The following FSTL5 variants were observed in gnomAD, a reference collection of about 807,000 sequenced individuals.
FSTL5 encodes the protein follistatin like 5, also known as follistatin-related protein 5.
FSTL5 carries 62 observed loss-of-function variants against 89.1 expected under a neutral mutation model. The ratio of observed to expected loss-of-function variants is 0.70; its 90% CI spans 0.57 to 0.86. The LOEUF (loss-of-function observed/expected upper bound fraction) is 0.86. Ranked by LOEUF, FSTL5 falls within the 40% of genes least tolerant of loss-of-function variation. FSTL5 has a pLI of 0.00. For missense variants in FSTL5, 1,057 were observed against 1,001.6 expected (o/e 1.06, Z -0.75); for synonymous variants, 383 against 346.2 (o/e 1.11, Z -1.18).
At chr4:161,987,393 A>C (rs1735992724) in intron 3 of FSTL5, among the ~76,000 whole-genome samples, 1 of 150,548 alleles carries the variant, frequency 6.6e-6, no homozygotes, top group Non-Finnish European at 1.5e-5. Flanking sequence ...ATGGCGGGGA[A>C]GGAGAAAAAA....
chr4:162,076,350 T>C (rs1193924744), intron 2 of FSTL5, among the ~76,000 whole-genome samples: 5 of 151,932 alleles, frequency 3.3e-5, no homozygotes, highest in Admixed American at 3.3e-4. Context: ...AGAATCTTTG[T>C]ATAACGCACA....
chr4:161,835,422 G>T (rs1343392471), intron 4 of FSTL5, among the ~76,000 whole-genome samples: 2 of 152,046 alleles, frequency 1.3e-5, no homozygotes, highest in Non-Finnish European at 2.9e-5. Context: ...AACACCAAAA[G>T]TAATGGCAAC....
At chr4:161,823,368 C>T (rs1303977484) in intron 4 of FSTL5, among the ~76,000 whole-genome samples, 1 of 152,170 alleles carries the variant, frequency 6.6e-6, no homozygotes, top group Non-Finnish European at 1.5e-5. Flanking sequence ...CCCCTGGCCT[C>T]CCTCCCTCGT....
intron 14 of FSTL5, among the ~76,000 whole-genome samples, chr4:161,458,107 C>T (rs1733430084): frequency 6.6e-6 from 1 of 152,170 alleles, no homozygotes; most frequent in Non-Finnish European, 1.5e-5. Flanking sequence ...CACCATGCGA[C>T]AGACATGAGG....
chr4:161,495,483 A>G (rs906852776), intron 12 of FSTL5: 3 of 152,180 alleles, frequency 2.0e-5, no homozygotes, highest in African/African-American at 7.2e-5. Context: ...GTGTACAACT[A>G]GGATAAATAT....
rs1200802541 is a variant in FSTL5 at position 162,102,774 on chromosome 4, A to ATT, written c.126+8496_126+8497insAA. Reference sequence around the variant, plus strand: ...ATATAAATATGTATAACATATTTATATATATATTTATATATGGAGTGATCT... The same window carrying ATT: ...ATATAAATATGTATAACATATTTATATTTATATATTTATATATGGAGTGATCT... On this transcript the variant is annotated intron_variant, in intron 2 of 15. Transcript: ENST00000306100. 3.4e-5 allele frequency among the ~76,000 whole-genome samples: 5 copies of ATT among 146,632 alleles called. No individual in the cohort carries two copies. In the South Asian group the frequency reaches 6.3e-4, roughly 19 times the overall value.
intron 2 of FSTL5, among the ~76,000 whole-genome samples, chr4:162,096,839 T>C (rs1402015743): frequency 6.6e-6 from 1 of 151,934 alleles, no homozygotes; most frequent in Non-Finnish European, 1.5e-5. Flanking sequence ...GTTAACAATA[T>C]TCAATTGATG....
At chr4:162,040,333 A>G (rs1249570613) in intron 2 of FSTL5, among the ~76,000 whole-genome samples, 1 of 152,038 alleles carries the variant, frequency 6.6e-6, no homozygotes, top group Admixed American at 6.6e-5. Context: ...GAATAGGAGA[A>G]TGTCTCAGTA....
chr4:162,141,052 T>C (rs1579059149), intron 1 of FSTL5, among the ~76,000 whole-genome samples: 1 of 150,868 alleles, frequency 6.6e-6, no homozygotes, highest in East Asian at 2.0e-4. Flanking sequence ...TTCTAGCTAA[T>C]TAGTTCACTC....
chr4:161,758,172 C>A (rs1456882949), intron 6 of FSTL5, among the ~76,000 whole-genome samples: 1 of 151,764 alleles, frequency 6.6e-6, no homozygotes, highest in African/African-American at 2.4e-5. Flanking sequence ...AATTATCATG[C>A]AGTAAGAAAA....
chr4:162,043,364 C>T (rs1478734452), intron 2 of FSTL5: 1 of 152,110 alleles, frequency 6.6e-6, no homozygotes, highest in African/African-American at 2.4e-5. Context: ...TTACACTATA[C>T]TATAGTCTAT....
At chr4:161,580,138 C>T (rs913020382) in intron 8 of FSTL5, among the ~76,000 whole-genome samples, 5 of 152,058 alleles carry the variant, frequency 3.3e-5, no homozygotes, top group Admixed American at 6.6e-5. Flanking sequence ...AGCATCTTGA[C>T]GTCATGATTT....
intron 7 of FSTL5, among the ~76,000 whole-genome samples, chr4:161,605,398 G>T (rs1209397950): frequency 1.3e-5 from 2 of 152,014 alleles, no homozygotes; most frequent in Non-Finnish European, 2.9e-5. Flanking sequence ...AGGCCCTAAA[G>T]ATATGTATAT....
intron 13 of FSTL5, among the ~76,000 whole-genome samples, chr4:161,466,542 G>T (rs1328122967): frequency 6.6e-6 from 1 of 152,136 alleles, no homozygotes; most frequent in African/African-American, 2.4e-5. Flanking sequence ...GGAGGAGACT[G>T]CTGATAATAC....
chr4:161,647,819 A>G (rs914388694), intron 7 of FSTL5, among the ~76,000 whole-genome samples: 2 of 151,980 alleles, frequency 1.3e-5, no homozygotes. Context: ...TTCCTGCCCA[A>G]ATGTATTTCC....
chr4:161,567,579 T>C (rs1326620312), intron 8 of FSTL5, among the ~76,000 whole-genome samples: 2 of 152,146 alleles, frequency 1.3e-5, no homozygotes, highest in Non-Finnish European at 2.9e-5. Context: ...CAGTAAACCA[T>C]ATCATGCTAA....
chr4:161,578,341 T>C lies in FSTL5; in HGVS notation c.1015+9114A>G, dbSNP rs367874784. 2.1e-4 allele frequency among the ~76,000 whole-genome samples: 32 copies of C among 152,110 alleles called. No individual in the cohort carries two copies. The East Asian group carries it at 4.6e-3, about 22-fold the overall frequency. On this transcript the variant is annotated intron_variant, in intron 8 of 15. Coordinates refer to ENST00000306100, the MANE Select transcript of FSTL5 (RefSeq NM_020116.5). The stretch of plus-strand genomic sequence containing the variant: ...TAGGAAAAAGAACTCTGGTAGAGAA[T>C]AACAGCTGATTAGACATACAGATAA...
At chr4:162,143,785 T>TACACACACACACAC (rs70946245) in intron 1 of FSTL5, among the ~76,000 whole-genome samples, 59 of 138,662 alleles carry the variant, frequency 4.3e-4, no homozygotes, top group African/African-American at 1.6e-3. Flanking sequence ...TGACTTTAAA[T>TACACACACACACAC]ACACACACAC....
chr4:161,832,042 A>T (rs1730862409), intron 4 of FSTL5, among the ~76,000 whole-genome samples: 1 of 152,064 alleles, frequency 6.6e-6, no homozygotes, highest in Non-Finnish European at 1.5e-5. Flanking sequence ...ATACAGAGAT[A>T]AGGGATGCTT....
Sources: gnomAD v4.1 joint callset for allele counts (sites outside exome capture counted in the v4.1 genomes callset) on GRCh38, gnomAD v4.1.1 for gene constraint, MANE v1.5 for transcripts, NCBI Gene and HGNC (gene_info 2026-07-23, HGNC 2026-07-21) for gene names.